FER: variants seen among roughly 807,000 people sequenced by gnomAD.
FER encodes tyrosine-protein kinase Fer.
A neutral mutation model predicts 111.0 loss-of-function variants in FER; 63 were observed. The observed-to-expected ratio is 0.57, with a 90% CI of 0.46 to 0.70. The LOEUF (loss-of-function observed/expected upper bound fraction) is 0.70. FER is among the 30% of genes least tolerant of loss of function. The pLI, the probability that FER is intolerant of heterozygous loss-of-function variation, is 0.00. For synonymous variants in FER, 327 were observed against 313.9 expected (o/e 1.04, Z -0.44); for missense variants, 914 against 954.0 (o/e 0.96, Z 0.55).
At chr5:109,106,152 G>C (rs67436896) in intron 17 of FER, among the ~76,000 whole-genome samples, 15 of 152,130 alleles carry the variant, frequency 9.9e-5, no homozygotes, top group African/African-American at 3.6e-4. Context: ...GCAGAAGGCC[G>C]AATGGTATTT....
chr5:109,168,267 C>G (rs964211234), intron 17 of FER, among the ~76,000 whole-genome samples: 1 of 152,064 alleles, frequency 6.6e-6, no homozygotes, highest in African/African-American at 2.4e-5. Flanking sequence ...GGTCTTTGTC[C>G]CCTTTTCCTG....
At chr5:108,842,543 AC>A (rs1197512850) in intron 5 of FER, 1 of 152,158 alleles carries the variant, frequency 6.6e-6, no homozygotes, top group Admixed American at 6.5e-5. Flanking sequence ...AAGAAAAAAA[AC>A]TAACAATCTC....
chr5:109,020,688 G>A (rs1170757911), intron 13 of FER, among the ~76,000 whole-genome samples: 4 of 151,942 alleles, frequency 2.6e-5, no homozygotes, highest in Admixed American at 2.6e-4. Context: ...CACACACTTC[G>A]CGGCCGAGCT....
intron 16 of FER, among the ~76,000 whole-genome samples, chr5:109,078,553 GGA>G (rs1474870080): frequency 6.6e-6 from 1 of 152,092 alleles, no homozygotes; most frequent in Admixed American, 6.6e-5. Context: ...TCAAGAAAGA[GGA>G]ATATGCCTCT....
At chr5:109,173,614 G>GCT (rs1008760176) in intron 17 of FER, among the ~76,000 whole-genome samples, 3 of 152,132 alleles carry the variant, frequency 2.0e-5, no homozygotes, top group Non-Finnish European at 4.4e-5. Flanking sequence ...ACCCAGGCCT[G>GCT]CTCAACCAGT....
intron 10 of FER, among the ~76,000 whole-genome samples, chr5:108,934,489 C>T (rs1427174181): frequency 3.3e-5 from 5 of 152,064 alleles, no homozygotes; most frequent in East Asian, 1.9e-4. Flanking sequence ...TTTACATAAA[C>T]GTATATTGAC....
chr5:108,774,438 C>G (rs1348588652), intron 2 of FER, among the ~76,000 whole-genome samples: 1 of 152,106 alleles, frequency 6.6e-6, no homozygotes, highest in Non-Finnish European at 1.5e-5. Context: ...ATTGCTGGGT[C>G]AAGTTGTATT....
chr5:109,009,968 C>T (rs929312273), intron 13 of FER, among the ~76,000 whole-genome samples: 3 of 152,136 alleles, frequency 2.0e-5, no homozygotes, highest in African/African-American at 7.2e-5. Flanking sequence ...GTCACTTCTG[C>T]CACAATCTGT....
intron 5 of FER, among the ~76,000 whole-genome samples, chr5:108,858,682 T>C (rs1342234663): frequency 6.6e-6 from 1 of 152,048 alleles, no homozygotes; most frequent in Non-Finnish European, 1.5e-5. Flanking sequence ...AAAACTACGA[T>C]TATATAATAT....
chr5:109,163,386 C>G (rs1756204453), intron 17 of FER, among the ~76,000 whole-genome samples: 1 of 151,912 alleles, frequency 6.6e-6, no homozygotes, highest in Non-Finnish European at 1.5e-5. Flanking sequence ...TGTTATTTTT[C>G]TTGAGAAAAT....
intron 13 of FER, among the ~76,000 whole-genome samples, chr5:109,004,004 C>G (rs977189442): frequency 6.6e-6 from 1 of 151,956 alleles, no homozygotes; most frequent in East Asian, 1.9e-4. Flanking sequence ...AACAACAAAC[C>G]AATTGTACAA....
chr5:108,796,597 T>C (rs1756051922), intron 2 of FER, among the ~76,000 whole-genome samples: 1 of 152,092 alleles, frequency 6.6e-6, no homozygotes, highest in Non-Finnish European at 1.5e-5. Context: ...ACAAAGTCTT[T>C]CCCGCTCTTC....
intron 13 of FER, among the ~76,000 whole-genome samples, chr5:108,985,694 T>G (rs979694114): frequency 4.6e-5 from 7 of 152,308 alleles, no homozygotes; most frequent in African/African-American, 1.7e-4. Context: ...GATGTTTGGT[T>G]TTTCATTCCT....
rs1561581763 is a variant in FER at position 108,897,812 on chromosome 5, A to T, written c.1200A>T (p.Val400=). ...ATGGGAAAGAGCCACCTCCAGTAGT[A>T]AATTATGAAGAAGATGCACGATCAG... ...ENDGKEPPPV[V]NYEEDARSVT... is the part of the protein sequence containing the mutation. Residue 400 remains valine (V), a synonymous_variant, in exon 10 of 20, where the codon GTA becomes GTT. Transcript: ENST00000281092. The T allele has an allele frequency of 6.2e-7, 1 of 1,612,548 alleles. No homozygotes were observed. Among genetic ancestry groups the T allele is most frequent in the Admixed American group, 1.7e-5 (1 of 59,770 alleles).
intron 17 of FER, among the ~76,000 whole-genome samples, chr5:109,103,493 A>C (rs571496601): frequency 6.6e-6 from 1 of 152,304 alleles, no homozygotes; most frequent in South Asian, 2.1e-4. Context: ...AATGACCTGC[A>C]TTTGGAAGTG....
chr5:108,981,130 G>A (rs1015942630), intron 13 of FER, among the ~76,000 whole-genome samples: 1 of 151,916 alleles, frequency 6.6e-6, no homozygotes. Flanking sequence ...TGTGTAAAAG[G>A]TAATACACAA....
At chr5:109,009,712 T>C (rs758963747) in intron 13 of FER, among the ~76,000 whole-genome samples, 1 of 152,206 alleles carries the variant, frequency 6.6e-6, no homozygotes, top group Non-Finnish European at 1.5e-5. Context: ...TAATGTTTTA[T>C]GTTTCTCATG....
intron 2 of FER, among the ~76,000 whole-genome samples, chr5:108,794,367 G>C (rs1336819478): frequency 1.3e-5 from 2 of 151,734 alleles, no homozygotes; most frequent in Non-Finnish European, 2.9e-5. Flanking sequence ...ACATGTGCCC[G>C]CCTCCACGCC....
At chr5:108,769,496 A>G (rs1371604124) in intron 2 of FER, among the ~76,000 whole-genome samples, 3 of 152,166 alleles carry the variant, frequency 2.0e-5, no homozygotes, top group Non-Finnish European at 4.4e-5. Context: ...TTTGCATTTT[A>G]TATCATTTTA....
Sources: allele counts gnomAD v4.1 joint callset (sites outside exome capture counted in the v4.1 genomes callset), GRCh38; gene constraint gnomAD v4.1.1; transcripts MANE v1.5; gene names NCBI Gene and HGNC (gene_info 2026-07-23, HGNC 2026-07-21).